Variants in SPECC1 observed in about 807,000 individuals in gnomAD.
SPECC1 encodes the protein cytospin-B.
In SPECC1, 62 loss-of-function variants were observed where a neutral mutation model predicts 104.1. The observed-to-expected ratio is 0.60, with a 90% CI of 0.49 to 0.74. The LOEUF (loss-of-function observed/expected upper bound fraction) is 0.74. Ranked by LOEUF, SPECC1 falls within the 30% of genes least tolerant of loss-of-function variation. SPECC1 has a pLI of 0.00. For missense variants in SPECC1, 1,306 were observed against 1,310.5 expected, an observed-to-expected ratio of 1.00 and a Z score of 0.05; for synonymous variants, 513 against 501.6, an observed-to-expected ratio of 1.02 and a Z score of -0.30.
In SPECC1 at chr17:20,205,702, T is replaced by C. The variant is rs2036731639; in HGVS notation, c.1653T>C (p.Asn551=). 1 of 1,614,058 alleles carries C rather than the reference T, an allele frequency of 6.2e-7. No homozygotes were observed. Among genetic ancestry groups the C allele is most frequent in the Non-Finnish European group, 8.5e-7 (1 of 1,180,042 alleles). The part of the protein sequence containing the change: ...RVTLEGLKME[N]GSLKSHLQGE... ...CCTTGGAAGGGCTAAAAATGGAGAA[T>C]GGATCTTTGAAGTCTCATTTGCAGG... is the stretch of plus-strand genomic sequence containing the variant. Residue 551 remains asparagine (N), a synonymous_variant, in exon 4 of 15, where the codon AAT becomes AAC. Coordinates refer to ENST00000395527, the MANE Select transcript of SPECC1 (RefSeq NM_001243439.2).
intron 12 of SPECC1, among the ~76,000 whole-genome samples, chr17:20,264,929 C>G (rs1012486202): frequency 6.6e-6 from 1 of 152,152 alleles, no homozygotes; most frequent in Non-Finnish European, 1.5e-5. Flanking sequence ...CAGCTGCATC[C>G]ATGTTTTTGT....
chr17:20,051,066 CTTTTTCTTTCTT>C (rs1567813189), intron 1 of SPECC1, among the ~76,000 whole-genome samples: 4 of 119,926 alleles, frequency 3.3e-5, no homozygotes, highest in East Asian at 2.2e-4. Context: ...TTCTTTCTTT[CTTTTTCTTTCTT>C]TCTTTCTTTC....
In SPECC1 at chr17:20,021,679, TAATA is replaced by T. The variant is rs1411401205; in HGVS notation, c.-22+12257_-22+12260del. Among the ~76,000 whole-genome samples the T allele has an allele frequency of 2.8e-5, 4 of 141,944 alleles. No individual in the cohort carries two copies. The East Asian group carries it at 8.4e-4, about 30-fold the overall frequency. 93.1% of individuals were successfully genotyped at this position (141,944 alleles called of 152,430 possible). Reference sequence around the variant, plus strand: ...GGCTCTGATATATATATATATAATATAATAATATATATATATATATATATTTTTT... The same window carrying T: ...GGCTCTGATATATATATATATAATATATATATATATATATATATATTTTTT... On this transcript the variant is annotated intron_variant, in intron 1 of 14. Transcript: ENST00000395527.
At chr17:20,024,975 A>G (rs965058224) in intron 1 of SPECC1, among the ~76,000 whole-genome samples, 2 of 152,232 alleles carry the variant, frequency 1.3e-5, no homozygotes, top group African/African-American at 4.8e-5. Flanking sequence ...AATGTAGATA[A>G]AAACCCTACT....
intron 12 of SPECC1, among the ~76,000 whole-genome samples, chr17:20,279,992 G>A (rs545005122): frequency 1.3e-5 from 2 of 152,286 alleles, no homozygotes; most frequent in South Asian, 2.1e-4. Context: ...GAACATAGTC[G>A]CATGTGTGTT....
intron 2 of SPECC1, 24 bp downstream of exon 2, chr17:20,096,822 C>T (rs1197953244): frequency 1.3e-6 from 2 of 1,596,978 alleles, no homozygotes; most frequent in East Asian, 2.3e-5. Flanking sequence ...TGCACAGGGC[C>T]AGGCAGAGCG....
chr17:20,236,737 TC>T (rs1004919299), intron 7 of SPECC1: 2 of 1,254,610 alleles, frequency 1.6e-6, no homozygotes, highest in African/African-American at 3.0e-5. Context: ...TGTTGGCCTA[TC>T]CTGGACATTA....
intron 12 of SPECC1, among the ~76,000 whole-genome samples, chr17:20,270,943 A>C (rs1472602657): frequency 1.3e-5 from 2 of 152,198 alleles, no homozygotes; most frequent in African/African-American, 4.8e-5. Context: ...CAGATGAAGG[A>C]GAAGCACTTT....
At chr17:20,233,788 C>T (rs189575446) in intron 7 of SPECC1, among the ~76,000 whole-genome samples, 14 of 152,270 alleles carry the variant, frequency 9.2e-5, no homozygotes, top group Admixed American at 4.6e-4. Context: ...GTAGTGAGGC[C>T]GTTCTGGGTG....
chr17:20,303,601 A>G (rs2041662941), intron 13 of SPECC1, among the ~76,000 whole-genome samples: 2 of 152,218 alleles, frequency 1.3e-5, no homozygotes, highest in South Asian at 4.1e-4. Flanking sequence ...GGAAAAGGGT[A>G]TAAAATGATG....
chr17:20,260,170 A>T, intron 11 of SPECC1, 22 bp from the exon 12 acceptor site: 2 of 1,591,260 alleles, frequency 1.3e-6, no homozygotes, highest in Non-Finnish European at 1.7e-6. Flanking sequence ...TCTCCTTACC[A>T]TGTGCTCTTC....
rs545265488 is a variant in SPECC1 at position 20,140,955 on chromosome 17, G to A, written c.283+30393G>A. Among the ~76,000 whole-genome samples the A allele has an allele frequency of 2.0e-5, 3 of 152,300 alleles. No individual in the cohort carries two copies. In the South Asian group the frequency reaches 6.2e-4, roughly 32 times the overall value. ...TGTCTTACCTCCCTCCCCCGTTGGT[G>A]CCTTGACTGTGACCTTTTCACAGTC... On this transcript the variant is annotated intron_variant, in intron 3 of 14. Transcript: ENST00000395527.
intron 4 of SPECC1, among the ~76,000 whole-genome samples, chr17:20,216,116 C>T (rs1598000660): frequency 1.3e-5 from 2 of 152,238 alleles, no homozygotes. Flanking sequence ...AAGAACAATC[C>T]AGCATGTATC....
In SPECC1 at chr17:20,176,416, T is replaced by A. The variant is rs1219724464; in HGVS notation, c.284-27917T>A. ...GTGCTTCTCCCTACTTCCGTGTCCC[T>A]CTCCTTCTCCCACTACCCTTCTTGC... On this transcript the variant is annotated intron_variant, in intron 3 of 14. Transcript: ENST00000395527. 2.6e-5 allele frequency among the ~76,000 whole-genome samples: 4 copies of A among 152,200 alleles called. No homozygotes were observed. The East Asian group carries it at 7.7e-4, about 29-fold the overall frequency.
At chr17:20,250,804 C>G (rs545371431) in intron 9 of SPECC1, among the ~76,000 whole-genome samples, 9 of 152,138 alleles carry the variant, frequency 5.9e-5, no homozygotes, top group Non-Finnish European at 1.2e-4. Flanking sequence ...AAATCCTGAA[C>G]AAAATCTTGG....
Position 20,246,017 on chromosome 17 carries a change from G to T in SPECC1, c.2443G>T (p.Glu815Ter). ...CVSRTSPTPP[E>*]SATTVKSLIK... ...TAGCAGAACATCTCCAACACCCCCAGAGTCGGCAACCACCGTTAAGTCACT... is the reference window on the plus strand; with the variant it reads ...TAGCAGAACATCTCCAACACCCCCATAGTCGGCAACCACCGTTAAGTCACT... The change falls in exon 8 of 15, where the codon GAG becomes TAG. Residue 815 changes from glutamate to a stop codon, truncating the protein, a stop_gained. Transcript: ENST00000395527. LOFTEE classifies it high-confidence loss of function. The T allele has an allele frequency of 5.6e-6, 9 of 1,614,204 alleles. No individual in the cohort carries two copies. The highest frequency in any genetic ancestry group is 7.6e-6 in the Non-Finnish European group (9 of 1,180,030).
chr17:20,269,495 G>A (rs969661554), intron 12 of SPECC1, among the ~76,000 whole-genome samples: 95 of 152,248 alleles, frequency 6.2e-4, no homozygotes, highest in African/African-American at 2.1e-3. Flanking sequence ...GCACCATCTC[G>A]GCTCACCACA....
chr17:20,298,598 C>T (rs2041434417), intron 13 of SPECC1, among the ~76,000 whole-genome samples: 1 of 152,024 alleles, frequency 6.6e-6, no homozygotes, highest in Admixed American at 6.5e-5. Context: ...TTGGCCTCAC[C>T]CACTAACCAT....
In SPECC1 at chr17:20,045,739, T is replaced by C. The variant is rs150500984; in HGVS notation, c.-22+36315T>C. 2.6e-3 allele frequency among the ~76,000 whole-genome samples: 391 copies of C among 152,298 alleles called. 1 individual carries two copies. Among genetic ancestry groups the C allele is most frequent in the African/African-American group, 8.8e-3 (366 of 41,562 alleles). On this transcript the variant is annotated intron_variant, in intron 1 of 14. Transcript: ENST00000395527. ...CAGACTTGGCAGGGTTGGCCAGGTG[T>C]GTGCTTATAGTTTGTGGTTTGAGAC...
Sources: allele counts gnomAD v4.1 joint callset (sites outside exome capture counted in the v4.1 genomes callset), GRCh38; gene constraint gnomAD v4.1.1; transcripts MANE v1.5; gene names NCBI Gene and HGNC (gene_info 2026-07-23, HGNC 2026-07-21).